The following PPP1R15B variants were observed in gnomAD, a reference collection of about 807,000 sequenced individuals.
PPP1R15B encodes the protein protein phosphatase 1 regulatory subunit 15B.
Under a neutral mutation model 53.9 loss-of-function variants are expected in PPP1R15B, and 31 were observed. The observed-to-expected ratio is 0.58, with a 90% CI of 0.43 to 0.78. The LOEUF is 0.78. PPP1R15B is among the 30% of genes least tolerant of loss of function. The pLI, the probability that PPP1R15B is intolerant of heterozygous loss-of-function variation, is 0.00. For synonymous variants in PPP1R15B, 345 were observed against 329.1 expected (o/e 1.05, Z -0.52); for missense variants, 928 against 849.6 (o/e 1.09, Z -1.15).
In PPP1R15B at chr1:204,410,211, T is replaced by C. The variant is rs770230849; in HGVS notation, c.1201A>G (p.Ile401Val). 1.2e-6 allele frequency: 2 copies of C among 1,614,154 alleles called. No homozygotes were observed. Among genetic ancestry groups the C allele is most frequent in the Non-Finnish European group, 8.5e-7 (1 of 1,180,030 alleles). ...PMEKEPGEGR[I>V]SVVDYSYLEG... is the part of the protein sequence containing the mutation. ...AGGTATGAGTAATCAACTACACTTA[T>C]TCGGCCCTCTCCAGGCTCCTTTTCC... The change falls in exon 1 of 2, where the codon ATA becomes GTA. Residue 401 changes from isoleucine to valine, a missense_variant. Transcript: ENST00000367188.
downstream of PPP1R15B, among the ~76,000 whole-genome samples, chr1:204,398,105 C>T (rs971636266): frequency 4.6e-5 from 7 of 152,058 alleles, no homozygotes; most frequent in Non-Finnish European, 7.4e-5. Context: ...CTGGTCACTG[C>T]GCAGACCCTT....
chr1:204,410,987 C>A lies in PPP1R15B; in HGVS notation c.425G>T (p.Trp142Leu). The A allele has an allele frequency of 6.2e-7, 1 of 1,614,156 alleles. No homozygotes were observed. The highest frequency in any genetic ancestry group is 1.3e-5 in the African/African-American group (1 of 75,058). The change falls in exon 1 of 2, where the codon TGG (tryptophan) becomes TTG (leucine). Residue 142 changes from tryptophan to leucine, a missense_variant. By Grantham distance (61) the Trp-to-Leu change is moderately conservative. Coordinates refer to ENST00000367188, the MANE Select transcript of PPP1R15B (RefSeq NM_032833.5). ...SDPSVTSPLD[W>L]LEEGIHWQYS... ...TTGCCAGTGGATCCCCTCCTCTAGCCAATCAAGGGGACTGGTGACCGAGGG... is the reference window on the plus strand; with the variant it reads ...TTGCCAGTGGATCCCCTCCTCTAGCAAATCAAGGGGACTGGTGACCGAGGG...
Position 204,406,118 on chromosome 1 carries a change from C to A in PPP1R15B, c.2116G>T (p.Gly706Ter). 1 of 1,614,082 alleles carries A rather than the reference C, an allele frequency of 6.2e-7. No homozygotes were observed. The highest frequency in any genetic ancestry group is 8.5e-7 in the Non-Finnish European group (1 of 1,180,002). Residue 706 changes from glycine (G) to a stop codon, truncating the protein, a stop_gained, in exon 2 of 2, where the codon GGA (glycine) becomes TGA (stop). Transcript: ENST00000367188. LOFTEE classifies it high-confidence loss of function. ...FNRLQGTCFK[G>*]LNVLKQC ...CAACATTGCTTGAGAACATTAAGTC[C>A]TTTGAAGCATGTTCCCTGGAGTCTA...
At chr1:204,402,006 C>T (rs910814614), downstream of PPP1R15B, among the ~76,000 whole-genome samples, 1 of 152,168 alleles carries the variant, frequency 6.6e-6, no homozygotes, top group Admixed American at 6.6e-5. Flanking sequence ...AAAAATAACA[C>T]AATTTCTATG....
At chr1:204,399,426 G>T (rs1022779559), downstream of PPP1R15B, among the ~76,000 whole-genome samples, 1 of 152,098 alleles carries the variant, frequency 6.6e-6, no homozygotes, top group Non-Finnish European at 1.5e-5. Flanking sequence ...TGGGTGTGAT[G>T]GCATCTGCCT....
chr1:204,408,320 G>A (rs1175426816), intron 1 of PPP1R15B, among the ~76,000 whole-genome samples: 1 of 152,118 alleles, frequency 6.6e-6, no homozygotes, highest in African/African-American at 2.4e-5. Context: ...TTTTGTCAGG[G>A]GCCCCTTAAA....
chr1:204,404,261 A>C lies in PPP1R15B; in HGVS notation c.*1831T>G. ...CACTTTGAGAGGCCGAGGCGGGCGG[A>C]TCACGAGGTCAGCAGTTCAAGACCA... On this transcript the variant is annotated 3_prime_UTR_variant, in exon 2 of 2. Transcript: ENST00000367188. 1 of 969,930 alleles carries C rather than the reference A, an allele frequency of 1.0e-6. No homozygotes were observed. The highest frequency in any genetic ancestry group is 1.2e-6 in the Non-Finnish European group (1 of 815,838). The allele number at this position is 969,930 out of a possible 1,614,324, so 60.1% of individuals were successfully genotyped here.
At chr1:204,407,379 CATA>C (rs143304114) in intron 1 of PPP1R15B, among the ~76,000 whole-genome samples, 4,066 of 152,276 alleles carry the variant, frequency 0.027, 72 homozygotes, top group Middle Eastern at 0.055. Context: ...TTCTAATATA[CATA>C]ATGACATGTA....
At chr1:204,402,200 T>C (rs1006127388), downstream of PPP1R15B, among the ~76,000 whole-genome samples, 5 of 152,232 alleles carry the variant, frequency 3.3e-5, no homozygotes, top group African/African-American at 4.8e-5. Flanking sequence ...TTAGTTTCTT[T>C]CCTTCCAGTT....
At position 204,403,960 on chromosome 1, in the gene PPP1R15B, A is replaced by C. The variant is rs1674220390; in HGVS notation, c.*2132T>G. The C allele has an allele frequency of 1.0e-6, 1 of 985,334 alleles. No homozygotes were observed. The allele number at this position is 985,334 out of a possible 1,614,324, so 61.0% of individuals were successfully genotyped here. A position where few individuals can be genotyped will look rare whatever the true frequency, so the allele number is the denominator to read the frequency against. The stretch of plus-strand genomic sequence containing the variant: ...CATGGGGAACAATTTTCCAAAATCC[A>C]ATGAAAGATGTCTCATTATTTTCAA... On this transcript the variant is annotated 3_prime_UTR_variant, in exon 2 of 2. Transcript: ENST00000367188.
rs772644606 is a variant in PPP1R15B, at chr1:204,410,936, T to C, written c.476A>G (p.Glu159Gly). 1.2e-6 allele frequency: 2 copies of C among 1,613,978 alleles called. No homozygotes were observed. The highest frequency in any genetic ancestry group is 1.7e-6 in the Non-Finnish European group (2 of 1,179,974). ...CAAAGCACTTCCCTTGGCCTTAAGC[T>C]CCAATTTTAGGTCTGGGGGCGAGTA... ...WQYSPPDLKL[E>G]LKAKGSALDP... Residue 159 changes from glutamate to glycine, a missense_variant, in exon 1 of 2, where the codon GAG becomes GGG. Transcript: ENST00000367188.
Position 204,405,835 on chromosome 1 carries a change from G to C in PPP1R15B, c.*257C>G. The C allele has an allele frequency of 8.3e-7, 1 of 1,202,856 alleles. No homozygotes were observed. 74.5% of individuals were successfully genotyped at this position (1,202,856 alleles called of 1,614,324 possible). On this transcript the variant is annotated 3_prime_UTR_variant, in exon 2 of 2. Coordinates refer to ENST00000367188, the MANE Select transcript of PPP1R15B (RefSeq NM_032833.5). Reference sequence around the variant, plus strand: ...CCCTTTCCACCTCATGCAGGCAAAGGACATTTAAAAGCACATCCAACTAAA... The same window carrying C: ...CCCTTTCCACCTCATGCAGGCAAAGCACATTTAAAAGCACATCCAACTAAA...
In PPP1R15B at chr1:204,409,960, T is replaced by C. The variant is rs1337309358; in HGVS notation, c.1452A>G (p.Val484=). ...TAAAGTTCTGGGGATTATAAGGATCTACACTGCAGAAAGAGTTCCAAAGGT... is the reference window on the plus strand; with the variant it reads ...TAAAGTTCTGGGGATTATAAGGATCCACACTGCAGAAAGAGTTCCAAAGGT... ...GLHLWNSFCS[V]DPYNPQNFTA... Residue 484 remains valine (V), a synonymous_variant, in exon 1 of 2, where the codon GTA becomes GTG. Transcript: ENST00000367188. 6.2e-7 allele frequency: 1 copy of C among 1,614,182 alleles called. No individual in the cohort carries two copies. The highest frequency in any genetic ancestry group is 8.5e-7 in the Non-Finnish European group (1 of 1,180,024).
At position 204,405,028 on chromosome 1, in the gene PPP1R15B, A is replaced by G. The variant is rs1674240851; in HGVS notation, c.*1064T>C. 1.0e-6 allele frequency: 1 copy of G among 985,684 alleles called. No individual in the cohort carries two copies. Among genetic ancestry groups the G allele is most frequent in the African/African-American group, 1.7e-5 (1 of 57,234 alleles). The allele number at this position is 985,684 out of a possible 1,614,324, so 61.1% of individuals were successfully genotyped here. ...TAAACCTGGATATTGACTGAAGTTT[A>G]TATTTTACATTTCAAACGTGAAAAT... On this transcript the variant is annotated 3_prime_UTR_variant, in exon 2 of 2. Transcript: ENST00000367188.
chr1:204,411,643 C>T lies in PPP1R15B; in HGVS notation c.-232G>A. 3.3e-6 allele frequency: 2 copies of T among 600,638 alleles called. No homozygotes were observed. The highest frequency in any genetic ancestry group is 2.8e-5 in the East Asian group (1 of 35,422). 37.2% of individuals were successfully genotyped at this position (600,638 alleles called of 1,614,324 possible). A position where few individuals can be genotyped will look rare whatever the true frequency, so the allele number is the denominator to read the frequency against. ...AGGCGGCGACTGATGCGACTTCCATCCTGGCGGGGAAGGAGGTTCCCTAGT... is the reference window on the plus strand; with the variant it reads ...AGGCGGCGACTGATGCGACTTCCATTCTGGCGGGGAAGGAGGTTCCCTAGT... On this transcript the variant is annotated 5_prime_UTR_variant, in exon 1 of 2. Transcript: ENST00000367188.
At chr1:204,408,785 C>A (rs1343892676) in intron 1 of PPP1R15B, among the ~76,000 whole-genome samples, 2 of 152,154 alleles carry the variant, frequency 1.3e-5, no homozygotes, top group East Asian at 3.9e-4. Flanking sequence ...AAGGAAGCAA[C>A]TAGTCAAGAT....
In PPP1R15B at chr1:204,405,855, A is replaced by G; in HGVS notation, c.*237T>C. The G allele has an allele frequency of 7.9e-7, 1 of 1,267,944 alleles. No individual in the cohort carries two copies. The highest frequency in any genetic ancestry group is 1.0e-6 in the Non-Finnish European group (1 of 1,002,374). The allele number at this position is 1,267,944 out of a possible 1,614,324, so 78.5% of individuals were successfully genotyped here. On this transcript the variant is annotated 3_prime_UTR_variant, in exon 2 of 2. Coordinates refer to ENST00000367188, the MANE Select transcript of PPP1R15B (RefSeq NM_032833.5). ...CAAAGGACATTTAAAAGCACATCCAACTAAATCAAAAAAGGGAGGATTAGA... is the reference window on the plus strand; with the variant it reads ...CAAAGGACATTTAAAAGCACATCCAGCTAAATCAAAAAAGGGAGGATTAGA...
intron 1 of PPP1R15B, 107 bp from the exon 2 acceptor site, chr1:204,406,420 A>T: frequency 7.3e-7 from 1 of 1,368,486 alleles, no homozygotes. Flanking sequence ...CCCAACTAAG[A>T]ATAACATATT....
In PPP1R15B at chr1:204,405,524, A is replaced by G. The variant is rs920211182; in HGVS notation, c.*568T>C. 7 of 983,378 alleles carry G rather than the reference A, an allele frequency of 7.1e-6. No individual in the cohort carries two copies. The highest frequency in any genetic ancestry group is 1.7e-5 in the African/African-American group (1 of 57,194). The allele number at this position is 983,378 out of a possible 1,614,324, so 60.9% of individuals were successfully genotyped here. On this transcript the variant is annotated 3_prime_UTR_variant, in exon 2 of 2. Coordinates refer to ENST00000367188, the MANE Select transcript of PPP1R15B (RefSeq NM_032833.5). ...TATTTTCAATCCAAGTCATTTTTAC[A>G]AGAAAAAAAAAAGTGACACAAAATA... is the stretch of plus-strand genomic sequence containing the variant.
Sources: allele counts gnomAD v4.1 joint callset (sites outside exome capture counted in the v4.1 genomes callset), GRCh38; gene constraint gnomAD v4.1.1; transcripts MANE v1.5; gene names NCBI Gene and HGNC (gene_info 2026-07-23, HGNC 2026-07-21).